SMCO2: variants seen among roughly 807,000 people sequenced by gnomAD.
SMCO2 encodes single-pass membrane protein with coiled-coil domains 2.
A neutral mutation model predicts 29.5 loss-of-function variants in SMCO2; 25 were observed. That is an observed-to-expected ratio of 0.85 (90% CI 0.62 to 1.18). The LOEUF (loss-of-function observed/expected upper bound fraction) is 1.18. Ranked by LOEUF, SMCO2 falls within the 50% of genes most tolerant of loss-of-function variation. The pLI is 0.00. For synonymous variants in SMCO2, 117 were observed against 123.3 expected (o/e 0.95, Z 0.34); for missense variants, 348 against 344.5 (o/e 1.01, Z -0.08).
intron 4 of SMCO2, among the ~76,000 whole-genome samples, chr12:27,482,290 T>C (rs1428570423): frequency 6.6e-6 from 1 of 152,152 alleles, no homozygotes; most frequent in African/African-American, 2.4e-5. Context: ...TATCTGTAAA[T>C]ATATTTTAAT....
chr12:27,436,256 A>G, the SMCO2 span, among the ~76,000 whole-genome samples: 1 of 152,188 alleles, frequency 6.6e-6, no homozygotes, highest in Non-Finnish European at 1.5e-5. Flanking sequence ...AGTCTGCAGC[A>G]CTCACCTTGG....
the SMCO2 span, among the ~76,000 whole-genome samples, chr12:27,455,288 G>A: frequency 4.1e-4 from 63 of 152,196 alleles, 1 homozygote; most frequent in African/African-American, 1.3e-3. Context: ...TTAACAGTCC[G>A]GTGGGCATAT....
the SMCO2 span, among the ~76,000 whole-genome samples, chr12:27,447,734 A>G: frequency 1.3e-5 from 2 of 151,978 alleles, no homozygotes; most frequent in African/African-American, 2.4e-5. Flanking sequence ...GTCTCAAAAA[A>G]AAAAAAAAAA....
At chr12:27,460,107 A>G in the SMCO2 span, among the ~76,000 whole-genome samples, 2 of 152,254 alleles carry the variant, frequency 1.3e-5, no homozygotes, top group Admixed American at 6.5e-5. Flanking sequence ...TGTATTACCA[A>G]TTCCCAGCTG....
At chr12:27,495,292 T>C (rs1362342556) in intron 6 of SMCO2, among the ~76,000 whole-genome samples, 1 of 139,938 alleles carries the variant, frequency 7.1e-6, no homozygotes, top group African/African-American at 2.9e-5. Context: ...CCAGCCCCTG[T>C]AATAGATTGT....
chr12:27,499,009 A>G (rs1456420129), intron 7 of SMCO2, among the ~76,000 whole-genome samples: 1 of 150,762 alleles, frequency 6.6e-6, no homozygotes, highest in Non-Finnish European at 1.5e-5. Context: ...AAATGGTACA[A>G]CCACTTTTGA....
chr12:27,456,475 G>A, the SMCO2 span, among the ~76,000 whole-genome samples: 4 of 152,202 alleles, frequency 2.6e-5, no homozygotes, highest in South Asian at 8.3e-4. Context: ...GGAGGAATGG[G>A]GTCTTGCTAT....
chr12:27,484,864 AAAAAAAAATATATAT>A (rs1311944906), intron 4 of SMCO2, among the ~76,000 whole-genome samples: 24 of 112,044 alleles, frequency 2.1e-4, no homozygotes, highest in African/African-American at 1.2e-3. Flanking sequence ...AAAAAAAAAA[AAAAAAAAATATATAT>A]ATATATATAT....
intron 4 of SMCO2, among the ~76,000 whole-genome samples, chr12:27,484,863 AAAAAAAAAATAT>A (rs1238990840): frequency 7.9e-6 from 1 of 127,174 alleles, no homozygotes; most frequent in Non-Finnish European, 1.5e-5. Flanking sequence ...AAAAAAAAAA[AAAAAAAAAATAT>A]ATATATATAT....
At chr12:27,428,326 G>C in the SMCO2 span, among the ~76,000 whole-genome samples, 2 of 152,310 alleles carry the variant, frequency 1.3e-5, no homozygotes, top group South Asian at 2.1e-4. Context: ...ACCCAGGAAT[G>C]AACAAGGACA....
chr12:27,451,815 A>G, the SMCO2 span, among the ~76,000 whole-genome samples: 3 of 152,176 alleles, frequency 2.0e-5, no homozygotes, highest in African/African-American at 7.2e-5. Context: ...AATAATGAGA[A>G]CCGTGCATAT....
the SMCO2 span, among the ~76,000 whole-genome samples, chr12:27,458,962 C>T: frequency 6.6e-6 from 1 of 150,444 alleles, no homozygotes; most frequent in South Asian, 2.1e-4. Context: ...CCGAGGCGGG[C>T]AGATCACGAT....
intron 6 of SMCO2, 84 bp downstream of exon 7, chr12:27,494,440 A>G (rs1258818912): frequency 1.4e-6 from 1 of 737,028 alleles, no homozygotes; most frequent in Non-Finnish European, 2.1e-6. Flanking sequence ...TGCCTAGAAT[A>G]TGACGGTGCA....
At chr12:27,432,815 A>T in the SMCO2 span, among the ~76,000 whole-genome samples, 1 of 152,236 alleles carries the variant, frequency 6.6e-6, no homozygotes, top group African/African-American at 2.4e-5. Flanking sequence ...AAAAACAGTC[A>T]TAGCTGCAGA....
At chr12:27,494,470 T>A (rs1942971716) in intron 6 of SMCO2, 114 bp downstream of exon 7, 3 of 347,208 alleles carry the variant, frequency 8.6e-6, no homozygotes, top group Non-Finnish European at 1.6e-5. Context: ...AGTCTCTTTC[T>A]TTTTTATTTA....
chr12:27,493,430 A>G (rs1942954544), intron 5 of SMCO2, among the ~76,000 whole-genome samples: 2 of 152,068 alleles, frequency 1.3e-5, no homozygotes, highest in South Asian at 4.1e-4. Flanking sequence ...TACTCAGGAG[A>G]CTGAAGTGGG....
At chr12:27,456,215 C>CA in the SMCO2 span, among the ~76,000 whole-genome samples, 7 of 151,386 alleles carry the variant, frequency 4.6e-5, no homozygotes, top group East Asian at 1.9e-4. Flanking sequence ...AACTCCATCT[C>CA]AAAAAAAACG....
chr12:27,489,061 T>G (rs760729627), intron 5 of SMCO2, among the ~76,000 whole-genome samples: 1 of 152,156 alleles, frequency 6.6e-6, no homozygotes. Flanking sequence ...CTTTCCTTTT[T>G]TTTTTGAGAC....
the SMCO2 span, among the ~76,000 whole-genome samples, chr12:27,427,119 C>T: frequency 6.6e-6 from 1 of 152,138 alleles, no homozygotes; most frequent in Non-Finnish European, 1.5e-5. Context: ...GTGCAAAGTG[C>T]TAATAGAGTA....
Sources: gnomAD v4.1 joint callset for allele counts (sites outside exome capture counted in the v4.1 genomes callset) on GRCh38, gnomAD v4.1.1 for gene constraint, MANE v1.5 for transcripts, NCBI Gene and HGNC (gene_info 2026-07-23, HGNC 2026-07-21) for gene names.